The following SMPX variants were observed in gnomAD, a reference collection of about 807,000 sequenced individuals.
SMPX encodes small muscular protein.
In SMPX, 2 loss-of-function variants were observed where a neutral mutation model predicts 6.3. The ratio of observed to expected loss-of-function variants is 0.32; its 90% confidence interval spans 0.13 to 0.99. The LOEUF is 0.99. SMPX is among the 50% of genes least tolerant of loss of function. SMPX has a pLI of 0.49. For missense variants in SMPX, 60 were observed against 66.8 expected (o/e 0.90, Z 0.36); for synonymous variants, 32 against 24.7 (o/e 1.30, Z -0.88).
At position 21,706,115 on chromosome X, in the gene SMPX, G is replaced by A. The variant is rs780483352; in HGVS notation, c.*294C>T. The A allele has an allele frequency of 5.9e-6, 3 of 512,656 alleles. No homozygotes were observed. The highest frequency in any genetic ancestry group is 4.9e-5 in the South Asian group (2 of 40,569). The allele number at this position is 512,656 out of a possible 1,213,427, so 42.2% of individuals were successfully genotyped here. ...GCTTGGGAAACTTTTCATCAAAATCGTTAGGCACATTGCCATATCATTCTC... is the reference window on the plus strand; with the variant it reads ...GCTTGGGAAACTTTTCATCAAAATCATTAGGCACATTGCCATATCATTCTC... On this transcript the variant is annotated 3_prime_UTR_variant, in exon 5 of 5. Coordinates refer to ENST00000379494, the MANE Select transcript of SMPX (RefSeq NM_014332.3).
At chrX:21,730,449 A>C (rs1224533121) in intron 4 of SMPX, among the ~76,000 whole-genome samples, 2 of 112,535 alleles carry the variant, frequency 1.8e-5, no homozygotes, top group African/African-American at 6.5e-5. Flanking sequence ...AAAATATATA[A>C]GAACCAGTTC....
chrX:21,729,882 T>C (rs761158433), intron 4 of SMPX, among the ~76,000 whole-genome samples: 1 of 111,918 alleles, frequency 8.9e-6, no homozygotes, highest in African/African-American at 3.2e-5. Context: ...AAAGTCTTCT[T>C]GTGTTCACTC....
In SMPX at chrX:21,743,605, C is replaced by A. The variant is rs1328053753; in HGVS notation, c.132+145G>T. On this transcript the variant is annotated intron_variant, in intron 3 of 4. Transcript: ENST00000379494. ...TGAGCAAGACAACTAAAAAAATGTA[C>A]ATACTGTATGTTATTCCTTGACACA... is the stretch of plus-strand genomic sequence containing the variant. 10 of 504,912 alleles carry A rather than the reference C, an allele frequency of 2.0e-5. No homozygotes were observed. In the East Asian group the frequency reaches 3.6e-4, roughly 18 times the overall value. The allele number at this position is 504,912 out of a possible 1,213,427, so 41.6% of individuals were successfully genotyped here.
At chrX:21,720,957 C>G (rs2092791071) in intron 4 of SMPX, among the ~76,000 whole-genome samples, 1 of 112,521 alleles carries the variant, frequency 8.9e-6, no homozygotes, top group South Asian at 3.7e-4. Flanking sequence ...TATAATGAGT[C>G]ATTCCCAAAG....
At chrX:21,733,394 G>A (rs778622566) in intron 4 of SMPX, among the ~76,000 whole-genome samples, 1 of 111,933 alleles carries the variant, frequency 8.9e-6, no homozygotes, top group Admixed American at 9.4e-5. Flanking sequence ...AGATTCTCAC[G>A]TCTCTACACA....
At chrX:21,724,243 G>T (rs2092794647) in intron 4 of SMPX, among the ~76,000 whole-genome samples, 1 of 112,045 alleles carries the variant, frequency 8.9e-6, no homozygotes, top group African/African-American at 3.3e-5. Flanking sequence ...GCATCTTGAA[G>T]TGAAGTTTTC....
At chrX:21,726,300 C>T (rs1484819343) in intron 4 of SMPX, among the ~76,000 whole-genome samples, 2 of 112,103 alleles carry the variant, frequency 1.8e-5, no homozygotes, top group African/African-American at 3.2e-5. Flanking sequence ...CACTTCTTCT[C>T]GCAGAACTCA....
At chrX:21,733,604 C>T (rs890603564) in intron 4 of SMPX, 5 of 274,112 alleles carry the variant, frequency 1.8e-5, no homozygotes, top group South Asian at 3.6e-5. Flanking sequence ...CTTTCAATTG[C>T]GACTTTCTCG....
chrX:21,731,799 T>C (rs759258030), intron 4 of SMPX, among the ~76,000 whole-genome samples: 2 of 94,532 alleles, frequency 2.1e-5, no homozygotes, highest in East Asian at 7.1e-4. Flanking sequence ...TATATGTGTA[T>C]ATGTACACAT....
At position 21,715,262 on chromosome X, in the gene SMPX, C is replaced by CTGTGTGTGTG. The variant is rs34947234; in HGVS notation, c.*15-8878_*15-8869dup. Reference sequence around the variant, plus strand: ...ATAGGCTGTTGTAACTCACTCTGCTCTGTGTGTGTGTGTGTGTGTGTGTGT... The same window carrying CTGTGTGTGTG: ...ATAGGCTGTTGTAACTCACTCTGCTCTGTGTGTGTGTGTGTGTGTGTGTGTGTGTGTGTGT... On this transcript the variant is annotated intron_variant, in intron 4 of 4. Coordinates refer to ENST00000379494, the MANE Select transcript of SMPX (RefSeq NM_014332.3). Among the ~76,000 whole-genome samples the CTGTGTGTGTG allele has an allele frequency of 1.3e-3, 124 of 94,611 alleles. 1 individual carries two copies. Among genetic ancestry groups the CTGTGTGTGTG allele is most frequent in the Admixed American group, 0.01 (89 of 8,657 alleles). 82.2% of individuals were successfully genotyped at this position (94,611 alleles called of 115,157 possible). A position where few individuals can be genotyped will look rare whatever the true frequency, so the allele number is the denominator to read the frequency against.
At chrX:21,750,300 T>G (rs1437162755) in intron 2 of SMPX, among the ~76,000 whole-genome samples, 4 of 111,591 alleles carry the variant, frequency 3.6e-5, no homozygotes, top group African/African-American at 9.8e-5. Context: ...CCACCAACAG[T>G]GGGGTTGTAA....
intron 4 of SMPX, among the ~76,000 whole-genome samples, chrX:21,733,999 G>A (rs1331781095): frequency 8.9e-6 from 1 of 111,783 alleles, no homozygotes; most frequent in Non-Finnish European, 1.9e-5. Context: ...CCCCTCAAAA[G>A]TCATAACATT....
At chrX:21,748,325 A>G (rs1017276500) in intron 2 of SMPX, among the ~76,000 whole-genome samples, 2 of 112,029 alleles carry the variant, frequency 1.8e-5, no homozygotes, top group Non-Finnish European at 3.8e-5. Flanking sequence ...CATATTGAAA[A>G]TGTTTTTATT....
At chrX:21,753,339 C>G (rs752724107) in intron 2 of SMPX, among the ~76,000 whole-genome samples, 68 of 111,887 alleles carry the variant, frequency 6.1e-4, no homozygotes, top group Non-Finnish European at 1.1e-3. Context: ...TTCTAAACCC[C>G]TTGATGATGT....
chrX:21,745,454 A>C (rs1208266751), intron 2 of SMPX, among the ~76,000 whole-genome samples: 1 of 111,833 alleles, frequency 8.9e-6, no homozygotes, highest in Non-Finnish European at 1.9e-5. Flanking sequence ...TACAACCAAT[A>C]GTGTCCTACA....
chrX:21,734,404 T>C (rs2092808289), intron 4 of SMPX, among the ~76,000 whole-genome samples: 2 of 111,824 alleles, frequency 1.8e-5, no homozygotes, highest in Admixed American at 1.9e-4. Flanking sequence ...TTTCTGATAG[T>C]GGCCCTGCAG....
intron 2 of SMPX, among the ~76,000 whole-genome samples, chrX:21,751,978 A>T (rs1452481232): frequency 8.9e-6 from 1 of 112,312 alleles, no homozygotes; most frequent in Non-Finnish European, 1.9e-5. Flanking sequence ...TGCTGATCCT[A>T]TTTACCCACA....
chrX:21,707,353 A>G (rs1423393051), intron 4 of SMPX, among the ~76,000 whole-genome samples: 1 of 112,044 alleles, frequency 8.9e-6, no homozygotes, highest in Non-Finnish European at 1.9e-5. Context: ...TCATCTCTCA[A>G]TTCCATGAAT....
Position 21,706,017 on chromosome X carries a change from G to A in SMPX, c.*392C>T. On this transcript the variant is annotated 3_prime_UTR_variant, in exon 5 of 5. Coordinates refer to ENST00000379494, the MANE Select transcript of SMPX (RefSeq NM_014332.3). ...AAATATTTATTTGAACTCATACAAA[G>A]TTTAGTGACATAATTTAAAAGGTGA... The A allele has an allele frequency of 2.0e-6, 1 of 492,165 alleles. No individual in the cohort carries two copies. Among genetic ancestry groups the A allele is most frequent in the Non-Finnish European group, 3.6e-6 (1 of 276,457 alleles). The allele number at this position is 492,165 out of a possible 1,213,427, so 40.6% of individuals were successfully genotyped here.
Sources: allele counts gnomAD v4.1 joint callset (sites outside exome capture counted in the v4.1 genomes callset), GRCh38; gene constraint gnomAD v4.1.1; transcripts MANE v1.5; gene names NCBI Gene and HGNC (gene_info 2026-07-23, HGNC 2026-07-21).